ENPP6: variants seen among roughly 807,000 people sequenced by gnomAD.
The protein encoded by ENPP6 is glycerophosphocholine cholinephosphodiesterase ENPP6.
A neutral mutation model predicts 42.0 loss-of-function variants in ENPP6; 32 were observed. The observed-to-expected ratio is 0.76, with a 90% CI of 0.58 to 1.02. ENPP6 has a LOEUF of 1.02. ENPP6 is among the 50% of genes least tolerant of loss of function. The pLI, the probability that ENPP6 is intolerant of heterozygous loss-of-function variation, is 0.00. For synonymous variants in ENPP6, 213 were observed against 216.0 expected (o/e 0.99, Z 0.12); for missense variants, 552 against 566.8 (o/e 0.97, Z 0.27).
chr4:184,094,793 A>G (rs11132221), intron 7 of ENPP6, among the ~76,000 whole-genome samples: 55,673 of 152,138 alleles, frequency 0.37, 11,155 homozygotes, highest in East Asian at 0.62. Context: ...GTCTTATCTC[A>G]AACGTGGAGT....
At chr4:184,103,855 G>T (rs1227566219) in intron 6 of ENPP6, among the ~76,000 whole-genome samples, 1 of 152,088 alleles carries the variant, frequency 6.6e-6, no homozygotes, top group African/African-American at 2.4e-5. Flanking sequence ...CGGCCTGCTG[G>T]CCTGACCCCA....
intron 2 of ENPP6, among the ~76,000 whole-genome samples, chr4:184,135,783 G>A (rs541500972): frequency 1.3e-5 from 2 of 152,264 alleles, no homozygotes; most frequent in African/African-American, 2.4e-5. Flanking sequence ...TGGCCATCAC[G>A]TGTGGGCACC....
intron 1 of ENPP6, chr4:184,216,641 C>T (rs934013603): frequency 2.6e-5 from 4 of 152,216 alleles, no homozygotes; most frequent in Middle Eastern, 3.2e-3. Flanking sequence ...ACAGTGCATT[C>T]TTAGCAGCCT....
At chr4:184,192,180 A>T (rs931743551) in intron 1 of ENPP6, among the ~76,000 whole-genome samples, 44 of 152,244 alleles carry the variant, frequency 2.9e-4, no homozygotes, top group Non-Finnish European at 5.7e-4. Context: ...AAACAATCTT[A>T]AAAAGAACAA....
intron 1 of ENPP6, among the ~76,000 whole-genome samples, chr4:184,158,176 G>A (rs946847370): frequency 6.6e-6 from 1 of 152,192 alleles, no homozygotes; most frequent in African/African-American, 2.4e-5. Context: ...CAGTGGTTAA[G>A]GGAACGAATC....
intron 1 of ENPP6, among the ~76,000 whole-genome samples, chr4:184,178,862 A>C (rs1181262840): frequency 2.0e-5 from 3 of 152,242 alleles, no homozygotes; most frequent in Non-Finnish European, 2.9e-5. Flanking sequence ...GTGTTGCAAG[A>C]GCTCCTGAAG....
intron 2 of ENPP6, among the ~76,000 whole-genome samples, chr4:184,125,138 G>A (rs996609593): frequency 4.6e-5 from 7 of 152,208 alleles, no homozygotes; most frequent in African/African-American, 1.7e-4. Flanking sequence ...AGGAAAGTGT[G>A]TGGTATGTGA....
chr4:184,135,724 A>G (rs2111363601), intron 2 of ENPP6, among the ~76,000 whole-genome samples: 1 of 152,286 alleles, frequency 6.6e-6, no homozygotes, highest in East Asian at 1.9e-4. Flanking sequence ...TGAATTGTTA[A>G]AAGGTAAAGG....
chr4:184,217,449 A>G (rs1235874995), intron 1 of ENPP6, 130 bp downstream of exon 1: 8 of 1,297,248 alleles, frequency 6.2e-6, no homozygotes, highest in Non-Finnish European at 8.4e-6. Flanking sequence ...GATTTTTTTT[A>G]TCTACCTTTG....
At chr4:184,143,802 C>G (rs1264535232) in intron 2 of ENPP6, among the ~76,000 whole-genome samples, 1 of 152,198 alleles carries the variant, frequency 6.6e-6, no homozygotes, top group Non-Finnish European at 1.5e-5. Flanking sequence ...GATCTGGAAT[C>G]CATGTTCTGG....
chr4:184,121,003 A>T (rs976011027), intron 3 of ENPP6, among the ~76,000 whole-genome samples: 2 of 152,134 alleles, frequency 1.3e-5, no homozygotes, highest in African/African-American at 4.8e-5. Flanking sequence ...TTGCTCCACC[A>T]CTGGCTGGCT....
intron 1 of ENPP6, among the ~76,000 whole-genome samples, chr4:184,192,031 G>C (rs1447242192): frequency 1.3e-5 from 2 of 152,298 alleles, no homozygotes; most frequent in African/African-American, 4.8e-5. Flanking sequence ...AGAAGACTTA[G>C]TATTGTTAAG....
At chr4:184,213,425 C>T (rs1257618216) in intron 1 of ENPP6, among the ~76,000 whole-genome samples, 38 of 151,996 alleles carry the variant, frequency 2.5e-4, no homozygotes, top group South Asian at 1.0e-3. Context: ...AAAAAGTGGG[C>T]GAAGGACATG....
chr4:184,193,967 G>A lies in ENPP6; in HGVS notation c.241+23612C>T, dbSNP rs1202281359. ...AGCTTTGCCTTTCCTTGATTGCTTT[G>A]GCCTTGCTGAGATCCTAATGCTATT... On this transcript the variant is annotated intron_variant, in intron 1 of 7. Transcript: ENST00000296741. 2.6e-5 allele frequency among the ~76,000 whole-genome samples: 4 copies of A among 152,074 alleles called. No homozygotes were observed. In the East Asian group the frequency reaches 5.8e-4, roughly 22 times the overall value.
intron 1 of ENPP6, among the ~76,000 whole-genome samples, chr4:184,162,053 G>A (rs72699704): frequency 0.2 from 29,599 of 151,692 alleles, 3,125 homozygotes; most frequent in Non-Finnish European, 0.24. Flanking sequence ...GGCATCCAAG[G>A]TATCCCCAGT....
At chr4:184,173,792 G>A (rs1439629371) in intron 1 of ENPP6, among the ~76,000 whole-genome samples, 1 of 152,142 alleles carries the variant, frequency 6.6e-6, no homozygotes, top group Non-Finnish European at 1.5e-5. Context: ...AGAATAGGAG[G>A]GCATGATTCT....
At chr4:184,189,587 C>T (rs540026679) in intron 1 of ENPP6, among the ~76,000 whole-genome samples, 56 of 152,238 alleles carry the variant, frequency 3.7e-4, no homozygotes, top group Middle Eastern at 3.4e-3. Context: ...TGCCTTTCCA[C>T]GGACAAAGTC....
intron 1 of ENPP6, among the ~76,000 whole-genome samples, chr4:184,177,319 A>C (rs1737581136): frequency 6.6e-6 from 1 of 152,174 alleles, no homozygotes; most frequent in African/African-American, 2.4e-5. Flanking sequence ...CCCCGCAGGA[A>C]TTTCAGCAAC....
At position 184,118,615 on chromosome 4, in the gene ENPP6, G is replaced by A. The variant is rs191925726; in HGVS notation, c.534-715C>T. ...CATGTCTTTTGTGAAAGGATGATAC[G>A]TTGACATTTCATTGACTCATTAGGA... On this transcript the variant is annotated intron_variant, in intron 3 of 7. Coordinates refer to ENST00000296741, the MANE Select transcript of ENPP6 (RefSeq NM_153343.4). Among the ~76,000 whole-genome samples the A allele has an allele frequency of 1.4e-3, 213 of 152,328 alleles. 3 individuals carry two copies. Among genetic ancestry groups the A allele is most frequent in the Non-Finnish European group, 4.1e-4 (28 of 68,034 alleles).
Sources: allele counts gnomAD v4.1 joint callset (sites outside exome capture counted in the v4.1 genomes callset), GRCh38; gene constraint gnomAD v4.1.1; transcripts MANE v1.5; gene names NCBI Gene and HGNC (gene_info 2026-07-23, HGNC 2026-07-21).